CREBBP: variants seen among roughly 807,000 people sequenced by gnomAD.
CREBBP encodes CREB-binding protein.
In CREBBP, 19 loss-of-function variants were observed where a neutral mutation model predicts 265.0. That is an observed-to-expected ratio of 0.07 (90% CI 0.05 to 0.11). CREBBP has a LOEUF of 0.11. Among genes scored for constraint, CREBBP ranks in the 10% least tolerant of loss-of-function variants. CREBBP has a pLI of 1.00. For missense variants in CREBBP, 2,525 were observed against 3,219.0 expected, an observed-to-expected ratio of 0.78 and a Z score of 5.22; for synonymous variants, 1,457 against 1,223.7, an observed-to-expected ratio of 1.19 and a Z score of -3.98.
chr16:3,823,414 C>T (rs1046327798), intron 2 of CREBBP, among the ~76,000 whole-genome samples: 12 of 152,144 alleles, frequency 7.9e-5, no homozygotes, highest in Non-Finnish European at 1.6e-4. Flanking sequence ...CTGGTCACAA[C>T]GTGGCCGCGT....
chr16:3,775,862 C>A (rs763563453), intron 11 of CREBBP, among the ~76,000 whole-genome samples: 1 of 152,176 alleles, frequency 6.6e-6, no homozygotes, highest in Non-Finnish European at 1.5e-5. Context: ...GGACCAATCC[C>A]CAACACAGCA....
At chr16:3,757,405 T>C (rs2151382234) in intron 18 of CREBBP, 29 bp from the exon 19 acceptor site, 5 of 1,527,694 alleles carry the variant, frequency 3.3e-6, no homozygotes, top group Non-Finnish European at 3.6e-6. Flanking sequence ...AATACTTTTA[T>C]ATAAAAATAC....
chr16:3,729,262 G>T lies in CREBBP; in HGVS notation c.5785C>A (p.Pro1929Thr), dbSNP rs1451504925. 6 of 1,528,668 alleles carry T rather than the reference G, an allele frequency of 3.9e-6. No individual in the cohort carries two copies. In the African/African-American group the frequency reaches 6.9e-5, roughly 18 times the overall value. The allele number at this position is 1,528,668 out of a possible 1,614,324, so 94.7% of individuals were successfully genotyped here. ...AGFPSVARTQ[P>T]PTTVSTGKPT... Reference sequence around the variant, plus strand: ...TTCCCTGTGGACACCGTGGTGGGGGGCTGAGTCCGGGCCACGCTGGGGAAG... The same window carrying T: ...TTCCCTGTGGACACCGTGGTGGGGGTCTGAGTCCGGGCCACGCTGGGGAAG... Residue 1929 changes from proline to threonine, a missense_variant, in exon 31 of 31, where the codon CCC (proline) becomes ACC (threonine). By Grantham distance (38) the Pro-to-Thr change is conservative (BLOSUM62 -1). Transcript: ENST00000262367.
intron 1 of CREBBP, among the ~76,000 whole-genome samples, chr16:3,854,762 T>G (rs2054923986): frequency 6.6e-6 from 1 of 152,204 alleles, no homozygotes; most frequent in African/African-American, 2.4e-5. Flanking sequence ...TATGAAGACT[T>G]TCTTTGGGCT....
At chr16:3,785,383 T>A (rs2053362302) in intron 5 of CREBBP, among the ~76,000 whole-genome samples, 1 of 152,230 alleles carries the variant, frequency 6.6e-6, no homozygotes, top group Non-Finnish European at 1.5e-5. Context: ...TCCCTGAGCC[T>A]AGGGACAACA....
chr16:3,845,752 T>C (rs1426607639), intron 2 of CREBBP, among the ~76,000 whole-genome samples: 1 of 151,926 alleles, frequency 6.6e-6, no homozygotes, highest in Admixed American at 6.6e-5. Context: ...TCAGTTGTGG[T>C]GATGCGCGCC....
chr16:3,851,396 C>G (rs185534184), intron 1 of CREBBP, among the ~76,000 whole-genome samples: 2 of 146,060 alleles, frequency 1.4e-5, no homozygotes, highest in Admixed American at 1.4e-4. Flanking sequence ...ATTCTGAAGA[C>G]AGAAAAGTTA....
intron 19 of CREBBP, among the ~76,000 whole-genome samples, chr16:3,755,300 G>C (rs129992): frequency 0.086 from 13,123 of 152,144 alleles, 1,388 homozygotes; most frequent in African/African-American, 0.24. Flanking sequence ...AATCAGCAAA[G>C]GCAGGGTACC....
chr16:3,755,073 G>C (rs2052557748), intron 19 of CREBBP, among the ~76,000 whole-genome samples: 1 of 152,142 alleles, frequency 6.6e-6, no homozygotes, highest in Admixed American at 6.5e-5. Flanking sequence ...TAATAAAATG[G>C]AACTCCTTTA....
chr16:3,850,092 CTTCT>C (rs946062826), intron 2 of CREBBP, among the ~76,000 whole-genome samples: 2 of 152,142 alleles, frequency 1.3e-5, no homozygotes, highest in African/African-American at 4.8e-5. Flanking sequence ...AGCTGTCCTA[CTTCT>C]TTAAGAATTC....
chr16:3,781,257 C>A lies in CREBBP; in HGVS notation c.1623G>T (p.Gln541His), dbSNP rs909182894. Residue 541 changes from glutamine to histidine, a missense_variant, in exon 7 of 31, where the codon CAG (glutamine) becomes CAT (histidine). Coordinates refer to ENST00000262367, the MANE Select transcript of CREBBP (RefSeq NM_004380.3). ...CTGATTCTGAAATCAAGTTTGGGGG[C>A]TGCTGATCTGTTGTTATTCCTCCTG... ...IPAGGITTDQ[Q>H]PPNLISESAL... 6.2e-7 allele frequency: 1 copy of A among 1,614,076 alleles called. No homozygotes were observed. Among genetic ancestry groups the A allele is most frequent in the Non-Finnish European group, 8.5e-7 (1 of 1,179,950 alleles).
intron 2 of CREBBP, among the ~76,000 whole-genome samples, chr16:3,835,320 G>A (rs1430031883): frequency 2.0e-5 from 3 of 151,826 alleles, no homozygotes; most frequent in South Asian, 2.1e-4. Context: ...GATGACCTGC[G>A]GTTTCCATCC....
At chr16:3,794,206 C>T (rs1298054747) in intron 3 of CREBBP, among the ~76,000 whole-genome samples, 1 of 151,748 alleles carries the variant, frequency 6.6e-6, no homozygotes, top group South Asian at 2.1e-4. Context: ...GTGGCGGGTG[C>T]CTGTAGTCCC....
chr16:3,842,118 C>T (rs559018410), intron 2 of CREBBP, among the ~76,000 whole-genome samples: 2 of 152,238 alleles, frequency 1.3e-5, no homozygotes, highest in African/African-American at 4.8e-5. Context: ...AAAAAATAAG[C>T]CCTAATCTGA....
At chr16:3,820,329 C>T (rs141821875) in intron 2 of CREBBP, among the ~76,000 whole-genome samples, 102 of 152,300 alleles carry the variant, frequency 6.7e-4, no homozygotes, top group African/African-American at 2.4e-3. Context: ...AGGAGAAATA[C>T]GCCACTGATT....
chr16:3,795,270 T>C (rs2053584961), intron 3 of CREBBP, among the ~76,000 whole-genome samples: 1 of 152,178 alleles, frequency 6.6e-6, no homozygotes, highest in African/African-American at 2.4e-5. Context: ...TAAAAGTATA[T>C]ATATACACTG....
At chr16:3,768,288 C>T (rs964075440) in intron 15 of CREBBP, among the ~76,000 whole-genome samples, 39 of 151,062 alleles carry the variant, frequency 2.6e-4, no homozygotes, top group African/African-American at 8.3e-4. Flanking sequence ...TGGGATTACA[C>T]GTGTGTGCCA....
Position 3,778,011 on chromosome 16 carries a change from T to C in CREBBP, c.2113A>G (p.Asn705Asp), listed in dbSNP as rs2141232419. Residue 705 changes from asparagine to aspartate, a missense_variant and splice_region_variant, in exon 10 of 31, where the codon AAT becomes GAT. Physicochemically the swap from Asn to Asp is conservative, Grantham distance 23 (BLOSUM62 1). Around this residue, in one of 19 missense-constraint regions of CREBBP, gnomAD observed 548 missense variants for 533.0 expected, o/e 1.03. Transcript: ENST00000262367. The part of the protein sequence containing the change: ...IPQAQPVRPP[N>D]GPLSLPVNRM... ...TGGCAGTAGGAAATAAAATCCTTAC[T>C]TGGAGGTCTCACAGGTTGTGCCTGT... 6.2e-7 allele frequency: 1 copy of C among 1,614,204 alleles called. No individual in the cohort carries two copies. The highest frequency in any genetic ancestry group is 8.5e-7 in the Non-Finnish European group (1 of 1,180,014).
chr16:3,736,681 G>A lies in CREBBP; in HGVS notation c.4529C>T (p.Ala1510Val), dbSNP rs780939128. ...QEWYKKMLDK[A>V]FAERIIHDYK... is the part of the protein sequence containing the mutation. Reference sequence around the variant, plus strand: ...GTCATGGATGATCCGCTCTGCAAACGCCTTGTCCAGCATCTTTTTGTACCA... The same window carrying A: ...GTCATGGATGATCCGCTCTGCAAACACCTTGTCCAGCATCTTTTTGTACCA... Residue 1510 changes from alanine (A) to valine (V), a missense_variant, in exon 27 of 31, where the codon GCG (alanine) becomes GTG (valine). Ala to Val is a moderately conservative substitution (Grantham distance 64, BLOSUM62 0). This residue lies in a region of CREBBP where 93 missense variants were observed against 161.5 expected (regional missense o/e 0.58). Transcript: ENST00000262367. The A allele has an allele frequency of 3.7e-6, 6 of 1,614,152 alleles. No individual in the cohort carries two copies. The highest frequency in any genetic ancestry group is 2.2e-5 in the South Asian group (2 of 91,080).
Sources: gnomAD v4.1 joint callset for allele counts (sites outside exome capture counted in the v4.1 genomes callset) on GRCh38, gnomAD v4.1.1 for gene constraint, gnomAD v4.1.1 regional missense constraint, MANE v1.5 for transcripts, NCBI Gene and HGNC (gene_info 2026-07-23, HGNC 2026-07-21) for gene names.